The following FMN1 variants were observed in gnomAD, a reference collection of about 807,000 sequenced individuals.
FMN1 encodes formin-1.
FMN1 carries 110 observed loss-of-function variants against 132.4 expected under a neutral mutation model. The observed-to-expected ratio is 0.83, with a 90% CI of 0.71 to 0.97. The LOEUF (loss-of-function observed/expected upper bound fraction) is 0.97, where lower values mean the gene tolerates loss of function less well. FMN1 is among the 50% of genes least tolerant of loss of function. FMN1 has a pLI of 0.00. For missense variants in FMN1, 1,792 were observed against 1,705.3 expected (o/e 1.05, Z -0.90); for synonymous variants, 722 against 651.7 (o/e 1.11, Z -1.64).
At chr15:32,827,148 C>T (rs2058387119) in intron 17 of FMN1, among the ~76,000 whole-genome samples, 1 of 152,196 alleles carries the variant, frequency 6.6e-6, no homozygotes, top group Non-Finnish European at 1.5e-5. Flanking sequence ...TCCAGTCACT[C>T]TTTCCAAGAA....
At chr15:32,868,779 C>A (rs1384898025) in intron 16 of FMN1, among the ~76,000 whole-genome samples, 1 of 151,808 alleles carries the variant, frequency 6.6e-6, no homozygotes, top group Non-Finnish European at 1.5e-5. Flanking sequence ...GTTCCATAAA[C>A]ATTCATACAT....
At chr15:33,095,511 C>T (rs1202929584) in intron 4 of FMN1, among the ~76,000 whole-genome samples, 4 of 152,096 alleles carry the variant, frequency 2.6e-5, no homozygotes, top group African/African-American at 7.2e-5. Flanking sequence ...CCTCCTGCCT[C>T]GGCCTCCCAA....
At chr15:33,016,660 T>C (rs2035063904) in intron 6 of FMN1, among the ~76,000 whole-genome samples, 1 of 152,190 alleles carries the variant, frequency 6.6e-6, no homozygotes, top group Non-Finnish European at 1.5e-5. Flanking sequence ...CAACACCTTT[T>C]GTCAGCGGGC....
rs1566824020 is a variant in FMN1, at chr15:33,012,620, C to T, written c.2162-4545G>A. The T allele has an allele frequency of 1.1e-5, 11 of 960,034 alleles. No individual in the cohort carries two copies. In the East Asian group the frequency reaches 2.6e-4, roughly 23 times the overall value. The allele number at this position is 960,034 out of a possible 1,614,324, so 59.5% of individuals were successfully genotyped here. On this transcript the variant is annotated intron_variant, in intron 6 of 20. Coordinates refer to ENST00000616417, the MANE Select transcript of FMN1 (RefSeq NM_001277313.2). ...AAGACTGTCGTTCAGAAATACCACA[C>T]TGCAAATGACCACAACTGTGAAGGT...
At chr15:32,911,879 A>T (rs935247304) in intron 10 of FMN1, among the ~76,000 whole-genome samples, 1 of 152,170 alleles carries the variant, frequency 6.6e-6, no homozygotes, top group African/African-American at 2.4e-5. Context: ...GAAAGAAAGG[A>T]TTTGTCCTCT....
At chr15:33,118,363 G>A (rs1382523776) in intron 4 of FMN1, among the ~76,000 whole-genome samples, 1 of 151,140 alleles carries the variant, frequency 6.6e-6, no homozygotes, top group Non-Finnish European at 1.5e-5. Context: ...AATTCTCAGG[G>A]GCATACTAAG....
At chr15:32,844,414 A>G (rs529642510) in intron 17 of FMN1, among the ~76,000 whole-genome samples, 1 of 152,338 alleles carries the variant, frequency 6.6e-6, no homozygotes, top group African/African-American at 2.4e-5. Context: ...TACATCCCTT[A>G]TATCATCAAG....
At chr15:33,048,755 AAG>A (rs1383674014) in intron 6 of FMN1, among the ~76,000 whole-genome samples, 1 of 152,092 alleles carries the variant, frequency 6.6e-6, no homozygotes, top group Non-Finnish European at 1.5e-5. Context: ...GCGGCAGGCA[AAG>A]AGAGAGTTTG....
intron 19 of FMN1, among the ~76,000 whole-genome samples, chr15:32,796,628 C>T (rs1191393234): frequency 6.6e-6 from 1 of 151,952 alleles, no homozygotes; most frequent in Non-Finnish European, 1.5e-5. Context: ...AGAAAAATTC[C>T]AGTTAATTTG....
intron 4 of FMN1, among the ~76,000 whole-genome samples, chr15:33,091,307 G>T (rs993072180): frequency 6.6e-6 from 1 of 152,120 alleles, no homozygotes; most frequent in African/African-American, 2.4e-5. Context: ...AAACACACAT[G>T]CAAACCCCTC....
intron 4 of FMN1, among the ~76,000 whole-genome samples, chr15:33,142,416 CCT>C (rs1281911299): frequency 6.6e-6 from 1 of 152,150 alleles, no homozygotes. Context: ...TCACCTAACA[CCT>C]CTCGCTGTTT....
intron 4 of FMN1, among the ~76,000 whole-genome samples, chr15:33,128,302 C>T (rs1963315007): frequency 2.0e-5 from 3 of 152,206 alleles, no homozygotes; most frequent in Non-Finnish European, 2.9e-5. Context: ...AACATGGCTG[C>T]TGACTAGGCC....
At chr15:33,142,872 T>A (rs2444969) in intron 4 of FMN1, among the ~76,000 whole-genome samples, 70,934 of 152,038 alleles carry the variant, frequency 0.47, 16,859 homozygotes, top group East Asian at 0.68. Flanking sequence ...CTATAAAATG[T>A]ACCTTGGTTC....
chr15:32,977,669 T>A (rs2032320559), intron 7 of FMN1, among the ~76,000 whole-genome samples: 1 of 152,198 alleles, frequency 6.6e-6, no homozygotes, highest in South Asian at 2.1e-4. Flanking sequence ...GACTCTCGTA[T>A]CACTTTGTTT....
intron 12 of FMN1, among the ~76,000 whole-genome samples, chr15:32,907,697 G>GTCC (rs2060460516): frequency 6.6e-6 from 1 of 150,458 alleles, no homozygotes; most frequent in Non-Finnish European, 1.5e-5. Context: ...TCTAGATTGA[G>GTCC]AGGGTTGGCC....
chr15:33,039,873 C>T (rs966735834), intron 6 of FMN1, among the ~76,000 whole-genome samples: 1 of 152,118 alleles, frequency 6.6e-6, no homozygotes, highest in African/African-American at 2.4e-5. Flanking sequence ...TATTAGAAAC[C>T]CCAAACTGGC....
chr15:33,049,640 G>C (rs954836736), intron 6 of FMN1, among the ~76,000 whole-genome samples: 4 of 152,186 alleles, frequency 2.6e-5, no homozygotes, highest in African/African-American at 9.7e-5. Context: ...TCAGCCTACA[G>C]GTTTTTCTAT....
At chr15:33,082,091 CAATG>C (rs1278266720) in intron 5 of FMN1, among the ~76,000 whole-genome samples, 5 of 76,060 alleles carry the variant, frequency 6.6e-5, no homozygotes, top group African/African-American at 2.8e-4. Context: ...GGCTGGAAAA[CAATG>C]TGTGTGTGTG....
chr15:32,920,944 C>T (rs1321053380), intron 10 of FMN1, among the ~76,000 whole-genome samples: 1 of 152,178 alleles, frequency 6.6e-6, no homozygotes, highest in Non-Finnish European at 1.5e-5. Flanking sequence ...ACCTTCAGTC[C>T]TATTTTTCTT....
Sources: gnomAD v4.1 joint callset for allele counts (sites outside exome capture counted in the v4.1 genomes callset) on GRCh38, gnomAD v4.1.1 for gene constraint, MANE v1.5 for transcripts, NCBI Gene and HGNC (gene_info 2026-07-23, HGNC 2026-07-21) for gene names.